The following CDKAL1 variants were observed in gnomAD, a reference collection of about 807,000 sequenced individuals.
CDKAL1 encodes the protein CDKAL1 threonylcarbamoyladenosine tRNA methylthiotransferase, also known as threonylcarbamoyladenosine tRNA methylthiotransferase.
In CDKAL1, 32 loss-of-function variants were observed where a neutral mutation model predicts 68.2. That is an observed-to-expected ratio of 0.47 (90% CI 0.35 to 0.63). The LOEUF (loss-of-function observed/expected upper bound fraction) is 0.63. Ranked by LOEUF, CDKAL1 falls within the 30% of genes least tolerant of loss-of-function variation. The pLI, the probability that CDKAL1 is intolerant of heterozygous loss-of-function variation, is 0.00. For missense variants in CDKAL1, 606 were observed against 696.7 expected, an observed-to-expected ratio of 0.87 and a Z score of 1.47; for synonymous variants, 234 against 244.3, an observed-to-expected ratio of 0.96 and a Z score of 0.39.
chr6:20,828,155 G>A (rs1221458670), intron 8 of CDKAL1, among the ~76,000 whole-genome samples: 1 of 152,004 alleles, frequency 6.6e-6, no homozygotes, highest in Non-Finnish European at 1.5e-5. Flanking sequence ...TTTAAGCATG[G>A]GATTTAGTTG....
rs1406390708 is a variant in CDKAL1, at chr6:21,122,722, G to A, written c.1299+14259G>A. On this transcript the variant is annotated intron_variant, in intron 13 of 15. Coordinates refer to ENST00000274695, the MANE Select transcript of CDKAL1 (RefSeq NM_017774.3). ...CAATGATATAGCTCACTGCAGCCTC[G>A]AACTCCTGGGTTCAAGCAATCCCCC... Among the ~76,000 whole-genome samples the A allele has an allele frequency of 3.3e-5, 5 of 151,152 alleles. No homozygotes were observed. The East Asian group carries it at 7.8e-4, about 24-fold the overall frequency.
chr6:21,042,999 C>G (rs1030352132), intron 11 of CDKAL1, among the ~76,000 whole-genome samples: 3 of 152,224 alleles, frequency 2.0e-5, no homozygotes, highest in Admixed American at 6.5e-5. Context: ...TTAGGAGGAC[C>G]ACGTGAGTTC....
intron 7 of CDKAL1, among the ~76,000 whole-genome samples, chr6:20,776,977 A>G (rs567170183): frequency 2.6e-4 from 39 of 152,200 alleles, no homozygotes; most frequent in African/African-American, 9.4e-4. Context: ...GGAGATTTTG[A>G]TGGCAAGCAG....
At chr6:21,064,455 GTA>G in intron 11 of CDKAL1, among the ~76,000 whole-genome samples, 1 of 152,336 alleles carries the variant, frequency 6.6e-6, no homozygotes, top group South Asian at 2.1e-4. Context: ...TTAGAAAACA[GTA>G]TTGATTTTTG....
At chr6:21,145,102 C>T (rs936650157) in intron 13 of CDKAL1, among the ~76,000 whole-genome samples, 1 of 152,116 alleles carries the variant, frequency 6.6e-6, no homozygotes, top group African/African-American at 2.4e-5. Flanking sequence ...GGCTGCAGAG[C>T]TGGGTGGCAT....
chr6:21,099,318 G>A (rs1031877235), intron 12 of CDKAL1, among the ~76,000 whole-genome samples: 1 of 152,092 alleles, frequency 6.6e-6, no homozygotes, highest in African/African-American at 2.4e-5. Flanking sequence ...AAAAGCAACC[G>A]TGGACAATGT....
intron 13 of CDKAL1, among the ~76,000 whole-genome samples, chr6:21,133,358 C>T (rs1053475052): frequency 2.6e-5 from 4 of 152,088 alleles, no homozygotes; most frequent in Non-Finnish European, 5.9e-5. Flanking sequence ...TTGGTTTGTT[C>T]GGGCTTTCCC....
At chr6:20,932,441 T>G (rs374591470) in intron 9 of CDKAL1, among the ~76,000 whole-genome samples, 1 of 152,278 alleles carries the variant, frequency 6.6e-6, no homozygotes, top group African/African-American at 2.4e-5. Flanking sequence ...ACAGTAGCAC[T>G]TCAGACCCAT....
intron 12 of CDKAL1, among the ~76,000 whole-genome samples, chr6:21,071,178 C>CA (rs1771751485): frequency 6.6e-6 from 1 of 152,128 alleles, no homozygotes; most frequent in Non-Finnish European, 1.5e-5. Flanking sequence ...TTTGTGTCCT[C>CA]ACCCAAATCT....
intron 9 of CDKAL1, among the ~76,000 whole-genome samples, chr6:20,901,335 A>G (rs1761950095): frequency 6.6e-6 from 1 of 152,028 alleles, no homozygotes; most frequent in Admixed American, 6.6e-5. Flanking sequence ...GTTTAGTGAT[A>G]TTTTACAAAT....
At chr6:20,833,381 AC>A (rs1213149309) in intron 8 of CDKAL1, among the ~76,000 whole-genome samples, 1 of 152,116 alleles carries the variant, frequency 6.6e-6, no homozygotes, top group East Asian at 1.9e-4. Context: ...CGTGTTCTTA[AC>A]TAAAACTTGC....
At chr6:20,780,822 C>T (rs139482647) in intron 7 of CDKAL1, among the ~76,000 whole-genome samples, 26 of 151,852 alleles carry the variant, frequency 1.7e-4, no homozygotes, top group Middle Eastern at 3.4e-3. Context: ...TACAGGCGCC[C>T]GCCACCACAC....
At chr6:20,618,422 A>G (rs1169379731) in intron 4 of CDKAL1, among the ~76,000 whole-genome samples, 1 of 151,976 alleles carries the variant, frequency 6.6e-6, no homozygotes, top group Non-Finnish European at 1.5e-5. Flanking sequence ...GTTTAATTAG[A>G]TCCCATTTGT....
chr6:20,706,999 G>T (rs1442363407), intron 5 of CDKAL1, among the ~76,000 whole-genome samples: 1 of 152,274 alleles, frequency 6.6e-6, no homozygotes, highest in East Asian at 1.9e-4. Flanking sequence ...GGACCTGGGA[G>T]GGACCCTTTT....
At chr6:20,598,182 A>G (rs1341044875) in intron 4 of CDKAL1, among the ~76,000 whole-genome samples, 1 of 152,232 alleles carries the variant, frequency 6.6e-6, no homozygotes, top group Non-Finnish European at 1.5e-5. Context: ...TTGGAGGGTT[A>G]CAAGAGTTCC....
At chr6:20,866,082 G>GA (rs1759892592) in intron 9 of CDKAL1, among the ~76,000 whole-genome samples, 1 of 152,062 alleles carries the variant, frequency 6.6e-6, no homozygotes, top group African/African-American at 2.4e-5. Context: ...CCCAAAGAAA[G>GA]AAAAAATAAA....
intron 10 of CDKAL1, among the ~76,000 whole-genome samples, chr6:20,992,037 T>TC: frequency 1.8e-5 from 1 of 54,170 alleles, no homozygotes; most frequent in East Asian, 5.2e-4. Context: ...TTTTCTTTTT[T>TC]TTTTTTTTTT....
intron 9 of CDKAL1, among the ~76,000 whole-genome samples, chr6:20,883,077 C>A (rs1446520716): frequency 6.6e-6 from 1 of 152,084 alleles, no homozygotes; most frequent in Non-Finnish European, 1.5e-5. Context: ...CCTACAGGCA[C>A]TTTTGAGGTA....
intron 4 of CDKAL1, among the ~76,000 whole-genome samples, chr6:20,549,172 T>G (rs542878549): frequency 5.9e-5 from 9 of 152,332 alleles, no homozygotes; most frequent in African/African-American, 2.2e-4. Context: ...TAATTTTTTC[T>G]TGTCTTCTGT....
Sources: allele counts gnomAD v4.1 joint callset (sites outside exome capture counted in the v4.1 genomes callset), GRCh38; gene constraint gnomAD v4.1.1; transcripts MANE v1.5; gene names NCBI Gene and HGNC (gene_info 2026-07-23, HGNC 2026-07-21).